Variants in ZNF141 observed in about 807,000 individuals in gnomAD.
ZNF141 encodes zinc finger protein 141 (clone pHZ-44).
A neutral mutation model predicts 11.3 loss-of-function variants in ZNF141; 7 were observed. That is an observed-to-expected ratio of 0.62 (90% CI 0.35 to 1.16). The LOEUF is 1.16. Among genes scored for constraint, ZNF141 ranks in the 50% most tolerant of loss-of-function variants. The pLI is 0.02. For missense variants in ZNF141, 535 were observed against 554.0 expected, an observed-to-expected ratio of 0.97 and a Z score of 0.34; for synonymous variants, 183 against 190.7, an observed-to-expected ratio of 0.96 and a Z score of 0.33.
intron 3 of ZNF141, among the ~76,000 whole-genome samples, chr4:344,748 C>T (rs1349040824): frequency 2.6e-5 from 4 of 152,112 alleles, no homozygotes; most frequent in African/African-American, 9.7e-5. Flanking sequence ...GAGCCAAGAT[C>T]ACACCACTGC....
chr4:342,707 C>G, intron 1 of ZNF141: 1 of 1,027,558 alleles, frequency 9.7e-7, no homozygotes. Flanking sequence ...CAGCTGTGTT[C>G]TGCCCACAGA....
At chr4:347,917 T>C (rs1721414248) in intron 3 of ZNF141, among the ~76,000 whole-genome samples, 1 of 151,816 alleles carries the variant, frequency 6.6e-6, no homozygotes, top group Non-Finnish European at 1.5e-5. Flanking sequence ...CGATCTTTGC[T>C]CACTGCAACC....
At chr4:346,893 A>ACACACACCCCC (rs373224939) in intron 3 of ZNF141, among the ~76,000 whole-genome samples, 1 of 135,438 alleles carries the variant, frequency 7.4e-6, no homozygotes, top group African/African-American at 3.2e-5. Flanking sequence ...ACACACACAC[A>ACACACACCCCC]CCGCCCCCCC....
intron 1 of ZNF141, among the ~76,000 whole-genome samples, chr4:341,714 C>A (rs1553848504): frequency 2.0e-5 from 3 of 152,186 alleles, no homozygotes; most frequent in Admixed American, 6.5e-5. Context: ...TTGTCCAGGT[C>A]TGAGCCAACA....
chr4:379,354 T>C lies in ZNF141; in HGVS notation c.*5492T>C, dbSNP rs111399375. Among the ~76,000 whole-genome samples the C allele has an allele frequency of 1.5e-3, 223 of 152,270 alleles. 3 individuals are homozygous for C. Among genetic ancestry groups the C allele is most frequent in the African/African-American group, 5.0e-3 (207 of 41,552 alleles). On this transcript the variant is annotated 3_prime_UTR_variant, in exon 4 of 4. Coordinates refer to ENST00000240499, the MANE Select transcript of ZNF141 (RefSeq NM_003441.4). ...TGGGTCTAAGCCATGCTAGTAAATA[T>C]TAGAGTTCCTATGATTATTTTCTTC...
At position 381,937 on chromosome 4, in the gene ZNF141, C is replaced by T. The variant is rs1712638014; in HGVS notation, c.*8075C>T. Among the ~76,000 whole-genome samples the T allele has an allele frequency of 7.7e-6, 1 of 129,350 alleles. No homozygotes were observed. Among genetic ancestry groups the T allele is most frequent in the Non-Finnish European group, 1.6e-5 (1 of 62,456 alleles). 84.9% of individuals were successfully genotyped at this position (129,350 alleles called of 152,430 possible). A position where few individuals can be genotyped will look rare whatever the true frequency, so the allele number is the denominator to read the frequency against. ...ACCAAGCAGCTAGGGCCACCACCAT[C>T]TCTGGGAACTTTTTTTTTTTTTTTT... On this transcript the variant is annotated 3_prime_UTR_variant, in exon 4 of 4. Coordinates refer to ENST00000240499, the MANE Select transcript of ZNF141 (RefSeq NM_003441.4).
chr4:359,686 G>A (rs781938472), intron 3 of ZNF141, among the ~76,000 whole-genome samples: 3 of 152,156 alleles, frequency 2.0e-5, no homozygotes, highest in Non-Finnish European at 4.4e-5. Context: ...ATGTAGCTGT[G>A]CTTTTGGGCA....
At chr4:352,261 C>G (rs986775755) in intron 3 of ZNF141, among the ~76,000 whole-genome samples, 3 of 152,120 alleles carry the variant, frequency 2.0e-5, no homozygotes, top group Non-Finnish European at 2.9e-5. Context: ...GTGGTGGGCA[C>G]CTGTAGTCCC....
intron 1 of ZNF141, among the ~76,000 whole-genome samples, chr4:339,990 T>C (rs1720974185): frequency 6.6e-6 from 1 of 152,256 alleles, no homozygotes; most frequent in South Asian, 2.1e-4. Flanking sequence ...TCAAGTCTTC[T>C]ACTTGAGAGC....
At chr4:355,220 C>G (rs1319072025) in intron 3 of ZNF141, among the ~76,000 whole-genome samples, 1 of 151,588 alleles carries the variant, frequency 6.6e-6, no homozygotes, top group African/African-American at 2.4e-5. Flanking sequence ...GAGACAGTCT[C>G]ACTCCGTCAC....
chr4:353,770 T>C (rs1314206029), intron 3 of ZNF141, among the ~76,000 whole-genome samples: 1 of 152,162 alleles, frequency 6.6e-6, no homozygotes, highest in Non-Finnish European at 1.5e-5. Context: ...CTGAGAGTTT[T>C]ACTTCTTTTG....
At chr4:367,845 T>C (rs574345867) in intron 3 of ZNF141, among the ~76,000 whole-genome samples, 1 of 152,296 alleles carries the variant, frequency 6.6e-6, no homozygotes, top group South Asian at 2.1e-4. Context: ...CCAAAGTTTG[T>C]TGTCATAATT....
chr4:360,470 G>C (rs1175534595), intron 3 of ZNF141, among the ~76,000 whole-genome samples: 1 of 152,156 alleles, frequency 6.6e-6, no homozygotes, highest in Non-Finnish European at 1.5e-5. Flanking sequence ...AGTCACAGTT[G>C]AAAACTAGTT....
At chr4:342,722 G>A in intron 1 of ZNF141, 1 of 1,141,344 alleles carries the variant, frequency 8.8e-7, no homozygotes. Context: ...CACAGATCCT[G>A]TCCATTGTTC....
chr4:359,278 A>G (rs979205422), intron 3 of ZNF141, among the ~76,000 whole-genome samples: 2 of 151,990 alleles, frequency 1.3e-5, no homozygotes, highest in South Asian at 2.1e-4. Context: ...TAAGATCTTG[A>G]TCAATAAGAC....
chr4:338,079 C>G lies in ZNF141; in HGVS notation c.3+93C>G, dbSNP rs1382836481. 4.5e-6 allele frequency: 7 copies of G among 1,553,474 alleles called. No individual in the cohort carries two copies. The African/African-American group carries it at 5.4e-5, about 12-fold the overall frequency. On this transcript the variant is annotated intron_variant, in intron 1 of 3. Transcript: ENST00000240499. Reference sequence around the variant, plus strand: ...GGGACCGAGTCTGCGAACGGAGTCCCCGCTGCCGCCGCTCAGCCCTGGGGC... The same window carrying G: ...GGGACCGAGTCTGCGAACGGAGTCCGCGCTGCCGCCGCTCAGCCCTGGGGC...
chr4:344,979 A>G (rs191620084), intron 3 of ZNF141, among the ~76,000 whole-genome samples: 17 of 152,320 alleles, frequency 1.1e-4, no homozygotes, highest in Non-Finnish European at 1.9e-4. Flanking sequence ...AGGGAGAGCT[A>G]ATGTCCACTT....
At position 337,815 on chromosome 4, in the gene ZNF141, T is replaced by A; in HGVS notation, c.-169T>A. On this transcript the variant is annotated 5_prime_UTR_variant, in exon 1 of 4. Coordinates refer to ENST00000240499, the MANE Select transcript of ZNF141 (RefSeq NM_003441.4). ...GGTGGCTTCCGGGATGTGGCGCGGG[T>A]CTTTGCGTCTGGCTACTACCAGACC... The A allele has an allele frequency of 1.3e-6, 1 of 786,826 alleles. No individual in the cohort carries two copies. The highest frequency in any genetic ancestry group is 2.1e-6 in the Non-Finnish European group (1 of 478,534). The allele number at this position is 786,826 out of a possible 1,614,324, so 48.7% of individuals were successfully genotyped here.
chr4:368,515 T>TAA (rs1711860876), intron 3 of ZNF141, among the ~76,000 whole-genome samples: 1 of 152,342 alleles, frequency 6.6e-6, no homozygotes, highest in East Asian at 1.9e-4. Context: ...CTGCTGGGAT[T>TAA]ACAGGCATGA....
Sources: allele counts gnomAD v4.1 joint callset (sites outside exome capture counted in the v4.1 genomes callset), GRCh38; gene constraint gnomAD v4.1.1; transcripts MANE v1.5; gene names NCBI Gene and HGNC (gene_info 2026-07-23, HGNC 2026-07-21).